Variants in CTNNA2 observed in about 807,000 individuals in gnomAD.
CTNNA2 encodes catenin alpha-2.
CTNNA2 carries 42 observed loss-of-function variants against 101.0 expected under a neutral mutation model. That is an observed-to-expected ratio of 0.42 (90% CI 0.32 to 0.54). The LOEUF (loss-of-function observed/expected upper bound fraction) is 0.54, where lower values mean the gene tolerates loss of function less well. Among genes scored for constraint, CTNNA2 ranks in the 20% least tolerant of loss-of-function variants. The pLI, the probability that CTNNA2 is intolerant of heterozygous loss-of-function variation, is 0.14. For missense variants in CTNNA2, 871 were observed against 1,223.1 expected, an observed-to-expected ratio of 0.71 and a Z score of 4.29; for synonymous variants, 450 against 456.4, an observed-to-expected ratio of 0.99 and a Z score of 0.18.
At chr2:79,398,001 T>C (rs187494321) in intron 4 of CTNNA2, among the ~76,000 whole-genome samples, 1 of 152,298 alleles carries the variant, frequency 6.6e-6, no homozygotes, top group East Asian at 1.9e-4. Flanking sequence ...CGAGTGGATA[T>C]GTAATGCCCC....
At chr2:80,216,197 C>G (rs980895151) in intron 7 of CTNNA2, among the ~76,000 whole-genome samples, 3 of 152,148 alleles carry the variant, frequency 2.0e-5, no homozygotes, top group Non-Finnish European at 4.4e-5. Flanking sequence ...ATTCCCCGAC[C>G]CCTTGTGCTT....
intron 2 of CTNNA2, among the ~76,000 whole-genome samples, chr2:79,306,082 A>G (rs1172338527): frequency 6.6e-6 from 1 of 150,604 alleles, no homozygotes; most frequent in African/African-American, 2.5e-5. Context: ...GTCTTTTACG[A>G]CAACATGGAT....
intron 9 of CTNNA2, among the ~76,000 whole-genome samples, chr2:80,530,714 A>G (rs950894240): frequency 2.2e-4 from 34 of 152,280 alleles, no homozygotes; most frequent in African/African-American, 7.5e-4. Flanking sequence ...GATGGTTTCG[A>G]TAGCACTGTT....
At chr2:79,711,369 G>A (rs891110445) in intron 2 of CTNNA2, among the ~76,000 whole-genome samples, 5 of 152,076 alleles carry the variant, frequency 3.3e-5, no homozygotes, top group African/African-American at 1.2e-4. Context: ...AAAGTACTTG[G>A]TTTCTATGCT....
chr2:80,617,590 T>A (rs938478637), intron 17 of CTNNA2, among the ~76,000 whole-genome samples: 1 of 151,784 alleles, frequency 6.6e-6, no homozygotes, highest in Admixed American at 6.6e-5. Flanking sequence ...CTATTTACTT[T>A]AATTCTTTAA....
chr2:79,380,781 C>G (rs1193171545), intron 4 of CTNNA2, among the ~76,000 whole-genome samples: 2 of 152,102 alleles, frequency 1.3e-5, no homozygotes, highest in Non-Finnish European at 2.9e-5. Context: ...AAAATATTTC[C>G]TAGTTTTAGT....
rs1696920377 is a variant in CTNNA2 at position 80,052,212 on chromosome 2, A to C, written c.1056+142415A>C. 1.3e-5 allele frequency among the ~76,000 whole-genome samples: 2 copies of C among 152,240 alleles called. 1 individual carries two copies. Among genetic ancestry groups the C allele is most frequent in the South Asian group, 4.1e-4 (2 of 4,832 alleles). ...AGTTGTGGACATTTATCCCAAACTC[A>C]TTACCTTGTGTATGAAACAACAGTA... is the stretch of plus-strand genomic sequence containing the variant. On this transcript the variant is annotated intron_variant, in intron 7 of 18. Coordinates refer to ENST00000402739, the MANE Select transcript of CTNNA2 (RefSeq NM_001282597.3).
chr2:80,530,010 T>C (rs1477155869), intron 9 of CTNNA2, among the ~76,000 whole-genome samples: 2 of 152,070 alleles, frequency 1.3e-5, no homozygotes, highest in African/African-American at 4.8e-5. Flanking sequence ...AGCTGCGCCT[T>C]TCATCTAGAG....
At chr2:80,538,804 G>C (rs770858186) in intron 9 of CTNNA2, among the ~76,000 whole-genome samples, 8 of 152,102 alleles carry the variant, frequency 5.3e-5, no homozygotes, top group African/African-American at 2.4e-5. Flanking sequence ...GAATCTATAA[G>C]TTACTTTGGG....
chr2:79,597,712 G>A (rs1021433021), intron 1 of CTNNA2, among the ~76,000 whole-genome samples: 3 of 152,058 alleles, frequency 2.0e-5, no homozygotes, highest in Non-Finnish European at 4.4e-5. Flanking sequence ...CCCCACACGT[G>A]CACAGCCTCC....
chr2:80,075,638 ATAAATATTATAAAAATAATATTTATACAT>A (rs1698662177), intron 7 of CTNNA2, among the ~76,000 whole-genome samples: 2 of 112,122 alleles, frequency 1.8e-5, no homozygotes, highest in African/African-American at 6.9e-5. Flanking sequence ...TTATACATGT[ATAAATATTATAAAAATAATATTTATACAT>A]GTATAAATAT....
chr2:79,959,527 G>A (rs570284666), intron 7 of CTNNA2, among the ~76,000 whole-genome samples: 2 of 152,112 alleles, frequency 1.3e-5, no homozygotes, highest in Non-Finnish European at 2.9e-5. Flanking sequence ...TTAATGCCTT[G>A]CCTCTATGTG....
chr2:79,352,766 A>C (rs2104439992), intron 3 of CTNNA2, among the ~76,000 whole-genome samples: 1 of 152,322 alleles, frequency 6.6e-6, no homozygotes, highest in Admixed American at 6.5e-5. Context: ...CTGCTGTATT[A>C]GTCCATTCTC....
At chr2:80,494,369 A>T in intron 9 of CTNNA2, among the ~76,000 whole-genome samples, 1 of 152,212 alleles carries the variant, frequency 6.6e-6, no homozygotes, top group Admixed American at 6.6e-5. Flanking sequence ...ACAGACAAAT[A>T]TGAATGGGAA....
chr2:79,219,769 C>T (rs1314817888), intron 2 of CTNNA2, among the ~76,000 whole-genome samples: 1 of 152,192 alleles, frequency 6.6e-6, no homozygotes, highest in East Asian at 1.9e-4. Flanking sequence ...AATGAATTTG[C>T]AGAGGAGAAA....
At chr2:80,443,136 G>A (rs901136922) in intron 9 of CTNNA2, among the ~76,000 whole-genome samples, 3 of 152,124 alleles carry the variant, frequency 2.0e-5, no homozygotes, top group Admixed American at 6.6e-5. Flanking sequence ...TCACTTAATC[G>A]TGCCTTGGGC....
intron 3 of CTNNA2, among the ~76,000 whole-genome samples, chr2:79,817,678 T>C (rs1402759720): frequency 1.3e-5 from 2 of 152,188 alleles, no homozygotes; most frequent in Admixed American, 1.3e-4. Flanking sequence ...GGGCAAAACC[T>C]AGATCGAGAA....
intron 1 of CTNNA2, among the ~76,000 whole-genome samples, chr2:79,590,629 A>G (rs1676785484): frequency 6.6e-6 from 1 of 152,190 alleles, no homozygotes; most frequent in Non-Finnish European, 1.5e-5. Flanking sequence ...AAAAAAAAAC[A>G]TCAGATTTGC....
chr2:79,948,294 C>T (rs948742867), intron 7 of CTNNA2, among the ~76,000 whole-genome samples: 1 of 152,192 alleles, frequency 6.6e-6, no homozygotes, highest in Non-Finnish European at 1.5e-5. Flanking sequence ...CAGTGTATCA[C>T]ATCAAATTCA....
Sources: allele counts gnomAD v4.1 joint callset (sites outside exome capture counted in the v4.1 genomes callset), GRCh38; gene constraint gnomAD v4.1.1; transcripts MANE v1.5; gene names NCBI Gene and HGNC (gene_info 2026-07-23, HGNC 2026-07-21).